Variants in CENPT observed in about 807,000 individuals in gnomAD.
CENPT encodes interphase centromere complex protein 22.
Under a neutral mutation model 59.7 loss-of-function variants are expected in CENPT, and 42 were observed. That is an observed-to-expected ratio of 0.70 (90% CI 0.55 to 0.91). The LOEUF is 0.91. Among genes scored for constraint, CENPT ranks in the 40% least tolerant of loss-of-function variants. CENPT has a pLI of 0.00. For missense variants in CENPT, 716 were observed against 713.4 expected (o/e 1.00, Z -0.04); for synonymous variants, 295 against 289.6 (o/e 1.02, Z -0.19).
At chr16:67,830,290 G>A in intron 11 of CENPT, 100 bp downstream of exon 11, 1 of 1,442,346 alleles carries the variant, frequency 6.9e-7, no homozygotes, top group Non-Finnish European at 9.5e-7. Flanking sequence ...CACAGCCAGG[G>A]TGCTCTAGGG....
chr16:67,828,507 A>C lies in CENPT; in HGVS notation c.1529T>G (p.Val510Gly). Reference protein sequence around the residue: ...VFAAHAGRKTVKPEDLELLMR... With the variant: ...VFAAHAGRKTGKPEDLELLMR... The stretch of plus-strand genomic sequence containing the variant: ...CAGCAGCTCCAGGTCCTCTGGCTTC[A>C]CAGTCTTGCGGCCAGCATGAGCAGC... The change falls in exon 15 of 16, where the codon GTG becomes GGG. Residue 510 changes from valine to glycine, a missense_variant. Physicochemically the swap from Val to Gly is moderately radical, Grantham distance 109. Transcript: ENST00000562787. The C allele has an allele frequency of 2.5e-6, 4 of 1,614,216 alleles. No individual in the cohort carries two copies. Among genetic ancestry groups the C allele is most frequent in the Non-Finnish European group, 3.4e-6 (4 of 1,180,044 alleles).
chr16:67,833,678 G>C, intron 4 of CENPT, 72 bp downstream of exon 4: 1 of 906,152 alleles, frequency 1.1e-6, no homozygotes, highest in Non-Finnish European at 1.6e-6. Context: ...CAGAGTCGAC[G>C]CTGGGTTCCA....
rs549848941 is a variant in CENPT at position 67,834,227 on chromosome 16, GCT to G, written c.-241-129_-241-128del. Reference sequence around the variant, plus strand: ...AACTAGCAATTGCTATTATTAGAAGGCTCTCTCATTCCCATCTCCCTCTCCGA... The same window carrying G: ...AACTAGCAATTGCTATTATTAGAAGGCTCTCATTCCCATCTCCCTCTCCGA... On this transcript the variant is annotated intron_variant, in intron 3 of 15. Coordinates refer to ENST00000562787, the MANE Select transcript of CENPT (RefSeq NM_025082.4). 2.2e-3 allele frequency: 436 copies of G among 198,224 alleles called. 2 individuals are homozygous for G. Among genetic ancestry groups the G allele is most frequent in the Non-Finnish European group, 3.4e-3 (338 of 98,304 alleles). 12.3% of individuals were successfully genotyped at this position (198,224 alleles called of 1,614,324 possible).
intron 13 of CENPT, 167 bp from the exon 14 acceptor site, chr16:67,829,010 T>G (rs1335339893): frequency 3.3e-6 from 2 of 610,088 alleles, no homozygotes; most frequent in East Asian, 5.9e-5. Context: ...GGGGGCCACA[T>G]AGAGGCCAGT....
In CENPT at chr16:67,831,335, G is replaced by A. The variant is rs753929412; in HGVS notation, c.584C>T (p.Thr195Ile). Residue 195 changes from threonine (T) to isoleucine (I), a missense_variant, in exon 10 of 16, where the codon ACA (threonine) becomes ATA (isoleucine). Physicochemically the swap from Thr to Ile is moderately conservative, Grantham distance 89. Transcript: ENST00000562787. ...CTGCACTGACTGTGGCTGAAGAGGT[G>A]TGGCAAAGGTCAGGTTGAGGGATCT... ...LTRSLNLTFA[T>I]PLQPQSVQRP... is the part of the protein sequence containing the mutation. 10 of 1,614,004 alleles carry A rather than the reference G, an allele frequency of 6.2e-6. No individual in the cohort carries two copies. In the Admixed American group the frequency reaches 1.0e-4, roughly 16 times the overall value.
chr16:67,846,498 A>G (rs2057799621), intron 1 of CENPT, among the ~76,000 whole-genome samples: 1 of 152,262 alleles, frequency 6.6e-6, no homozygotes. Flanking sequence ...AGCGGCAGCC[A>G]TAGCCCCAAG....
Position 67,829,406 on chromosome 16 carries a change from G to C in CENPT, c.1280+17C>G. On this transcript the variant is annotated intron_variant, in intron 13 of 15. Coordinates refer to ENST00000562787, the MANE Select transcript of CENPT (RefSeq NM_025082.4). ...CTTCCCAAGAGGCCCATGAGGAATG[G>C]GGTTGTGGGATCTTACACTGCAGCA... 6.3e-7 allele frequency: 1 copy of C among 1,580,796 alleles called. No individual in the cohort carries two copies. Among genetic ancestry groups the C allele is most frequent in the East Asian group, 2.2e-5 (1 of 44,458 alleles).
In CENPT at chr16:67,829,858, T is replaced by C. The variant is rs2057666075; in HGVS notation, c.1093A>G (p.Thr365Ala). 6.2e-7 allele frequency: 1 copy of C among 1,614,124 alleles called. No homozygotes were observed. Among genetic ancestry groups the C allele is most frequent in the African/African-American group, 1.3e-5 (1 of 74,944 alleles). ...PSRVEEAEGH[T>A]EVTEAEGSQG... ...GATCCCTCTGCTTCTGTCACCTCTG[T>C]GTGTCCCTCAGCCTCTTCTACCCTG... is the stretch of plus-strand genomic sequence containing the variant. The change falls in exon 12 of 16, where the codon ACA becomes GCA. Residue 365 changes from threonine (T) to alanine (A), a missense_variant. Thr to Ala is a moderately conservative substitution (Grantham distance 58). Transcript: ENST00000562787.
chr16:67,832,137 C>T (rs1365731700), intron 6 of CENPT, 29 bp from the exon 7 acceptor site: 53 of 1,607,652 alleles, frequency 3.3e-5, no homozygotes, highest in African/African-American at 5.3e-5. Context: ...GAGGGTGGGG[C>T]TGACAGAACA....
chr16:67,843,232 C>T lies in CENPT; in HGVS notation c.-492+4169G>A, dbSNP rs755640719. On this transcript the variant is annotated intron_variant, in intron 1 of 15. Coordinates refer to ENST00000562787, the MANE Select transcript of CENPT (RefSeq NM_025082.4). This position sits in a 1 kb window ranked among gnomAD's most constrained non-coding sequence, Gnocchi z 5.7. ...TGGAGGCTGCCGAGTGCCCTATGGG[C>T]CCCCAGTTGGTGGTGGTAGGGGAAG... 1.9e-6 allele frequency: 3 copies of T among 1,611,696 alleles called. No individual in the cohort carries two copies. Among genetic ancestry groups the T allele is most frequent in the Non-Finnish European group, 2.5e-6 (3 of 1,179,204 alleles).
Position 67,829,786 on chromosome 16 carries a change from C to T in CENPT, c.1165G>A (p.Glu389Lys), listed in dbSNP as rs2057664925. Residue 389 changes from glutamate (E) to lysine (K), a missense_variant, in exon 12 of 16, where the codon GAG becomes AAG. By Grantham distance (56) the Glu-to-Lys change is moderately conservative. Coordinates refer to ENST00000562787, the MANE Select transcript of CENPT (RefSeq NM_025082.4). ...ADGPGASSGDEDASGRAASPE... is the reference protein window; with the variant it reads ...ADGPGASSGDKDASGRAASPE... ...TTACCTGCCCTGCCAGAGGCATCCTCATCCCCTGAAGATGCTCCTGGCCCG... is the reference window on the plus strand; with the variant it reads ...TTACCTGCCCTGCCAGAGGCATCCTTATCCCCTGAAGATGCTCCTGGCCCG... The T allele has an allele frequency of 6.2e-7, 1 of 1,614,080 alleles. No individual in the cohort carries two copies. Among genetic ancestry groups the T allele is most frequent in the Non-Finnish European group, 8.5e-7 (1 of 1,180,018 alleles).
chr16:67,844,455 A>G (rs1223342587), intron 1 of CENPT, among the ~76,000 whole-genome samples: 2 of 152,240 alleles, frequency 1.3e-5, no homozygotes, highest in Admixed American at 1.3e-4. Flanking sequence ...ATCTCCCTGT[A>G]TCCTTTCAAC....
rs3743733 is a variant in CENPT at position 67,829,548 on chromosome 16, T to C, written c.1187-32A>G. ...AGAAGAAGGGTGGGGTCACAGGGAT[T>C]CCAGGCCTGACCATCTCACCCAGGC... On this transcript the variant is annotated intron_variant, in intron 12 of 15. Transcript: ENST00000562787. 738,682 of 1,566,176 alleles carry C rather than the reference T, an allele frequency of 0.47. 185,215 individuals are homozygous for C. The highest frequency in any genetic ancestry group is 0.9 in the African/African-American group (65,186 of 72,738).
intron 10 of CENPT, chr16:67,830,880 A>C (rs990129136): frequency 1.2e-5 from 6 of 506,202 alleles, no homozygotes; most frequent in African/African-American, 1.9e-5. Flanking sequence ...ACTCTGGTGA[A>C]CTTGTTTTCT....
At chr16:67,835,797 G>A (rs1372358374) in intron 1 of CENPT, 139 bp from the exon 2 acceptor site, 1 of 152,032 alleles carries the variant, frequency 6.6e-6, no homozygotes, top group Non-Finnish European at 1.5e-5. Context: ...TCCTTTTGCA[G>A]ACATATTTCC....
chr16:67,839,402 C>CA (rs961090179), intron 1 of CENPT, among the ~76,000 whole-genome samples: 5 of 144,548 alleles, frequency 3.5e-5, no homozygotes, highest in African/African-American at 1.3e-4. Flanking sequence ...AAAAAAAAAC[C>CA]AAAAAAAATT....
chr16:67,830,583 C>T (rs577394750), intron 10 of CENPT, 35 bp from the exon 11 acceptor site: 1 of 1,607,274 alleles, frequency 6.2e-7, no homozygotes, highest in East Asian at 2.2e-5. Flanking sequence ...CTGAGGCTGT[C>T]ACCTGGAGAT....
intron 1 of CENPT, among the ~76,000 whole-genome samples, chr16:67,839,822 C>T (rs750070856): frequency 8.6e-5 from 13 of 151,038 alleles, no homozygotes; most frequent in Admixed American, 1.3e-4. Flanking sequence ...TGCAGTAAGC[C>T]GAGATCGCAC....
rs934132348 is a variant in CENPT, at chr16:67,839,395, A to C, written c.-491-3737T>G. Among the ~76,000 whole-genome samples the C allele has an allele frequency of 4.0e-5, 6 of 151,304 alleles. No individual in the cohort carries two copies. In the East Asian group the frequency reaches 7.7e-4, roughly 20 times the overall value. ...AAACTCCACCTCAAAAAAAAAAAAA[A>C]AAAAACCAAAAAAAATTAGCTGGGT... On this transcript the variant is annotated intron_variant, in intron 1 of 15. Coordinates refer to ENST00000562787, the MANE Select transcript of CENPT (RefSeq NM_025082.4).
Sources: gnomAD v4.1 joint callset for allele counts (sites outside exome capture counted in the v4.1 genomes callset) on GRCh38, gnomAD v4.1.1 for gene constraint, Gnocchi (gnomAD v3.1) non-coding constraint, MANE v1.5 for transcripts, NCBI Gene and HGNC (gene_info 2026-07-23, HGNC 2026-07-21) for gene names.